The following DZIP3 variants were observed in gnomAD, a reference collection of about 807,000 sequenced individuals.
DZIP3 encodes DAZ interacting zinc finger protein 3.
A neutral mutation model predicts 162.0 loss-of-function variants in DZIP3; 118 were observed. That is an observed-to-expected ratio of 0.73 (90% CI 0.63 to 0.85). DZIP3 has a LOEUF of 0.85. DZIP3 is among the 40% of genes least tolerant of loss of function. The pLI is 0.00. For synonymous variants in DZIP3, 438 were observed against 458.6 expected, an observed-to-expected ratio of 0.96 and a Z score of 0.57; for missense variants, 1,331 against 1,407.0, an observed-to-expected ratio of 0.95 and a Z score of 0.86.
At chr3:108,690,690 C>A in intron 31 of DZIP3, 97 bp from the exon 32 acceptor site, 1 of 1,069,528 alleles carries the variant, frequency 9.3e-7, no homozygotes, top group African/African-American at 1.6e-5. Context: ...AAAGATCCAC[C>A]AGAAGACATG....
At chr3:108,653,505 G>GTATATATA (rs1216334552) in intron 18 of DZIP3, among the ~76,000 whole-genome samples, 138 of 67,738 alleles carry the variant, frequency 2.0e-3, no homozygotes, top group African/African-American at 5.9e-3. Context: ...TTGTGTGTGT[G>GTATATATA]TGTATATATA....
chr3:108,618,942 T>C (rs1484357608), intron 5 of DZIP3, among the ~76,000 whole-genome samples: 1 of 149,350 alleles, frequency 6.7e-6, no homozygotes, highest in African/African-American at 2.5e-5. Flanking sequence ...GCGCCTGTAA[T>C]CCCAACTACT....
intron 9 of DZIP3, 137 bp from the exon 10 acceptor site, chr3:108,634,734 A>G (rs1408135128): frequency 6.8e-6 from 3 of 443,826 alleles, no homozygotes; most frequent in Non-Finnish European, 1.2e-5. Context: ...GTGATCTCTG[A>G]TTTCTGTTGA....
At chr3:108,612,919 G>A (rs148326138) in intron 4 of DZIP3, among the ~76,000 whole-genome samples, 127 of 152,142 alleles carry the variant, frequency 8.3e-4, no homozygotes, top group African/African-American at 2.7e-3. Context: ...CTTAAGAAAT[G>A]TACAAGATAA....
At chr3:108,642,822 A>G (rs1168794442) in intron 13 of DZIP3, among the ~76,000 whole-genome samples, 1 of 152,164 alleles carries the variant, frequency 6.6e-6, no homozygotes, top group Non-Finnish European at 1.5e-5. Context: ...CCCTTGCTGC[A>G]TTCCTTCTTA....
intron 8 of DZIP3, among the ~76,000 whole-genome samples, chr3:108,631,055 A>ACACACACACACACACACACACACT: frequency 4.4e-4 from 8 of 18,012 alleles, no homozygotes; most frequent in Non-Finnish European, 6.3e-4. Context: ...ACACACACAC[A>ACACACACACACACACACACACACT]CTCTCTCTCT....
In DZIP3 at chr3:108,688,722, G is replaced by A. The variant is rs1944584481; in HGVS notation, c.3400G>A (p.Gly1134Arg). Residue 1134 changes from glycine (G) to arginine (R), a missense_variant, in exon 30 of 33, where the codon GGA (glycine) becomes AGA (arginine). By Grantham distance (125) the Gly-to-Arg change is moderately radical (BLOSUM62 -2). This residue lies in a region of DZIP3 where 1,278 missense variants were observed against 1,317.1 expected (regional missense o/e 0.97). Transcript: ENST00000361582. ...LTSQGPATWEGASNPDEEEEE... is the reference protein window; with the variant it reads ...LTSQGPATWERASNPDEEEEE... ...TTCACAGGGTCCTGCCACATGGGAA[G>A]GAGCCAGTAATCCAGTGAGACTGAA... 4 of 1,614,026 alleles carry A rather than the reference G, an allele frequency of 2.5e-6. No individual in the cohort carries two copies. Among genetic ancestry groups the A allele is most frequent in the Non-Finnish European group, 3.4e-6 (4 of 1,179,970 alleles).
rs1053571023 is a variant in DZIP3, at chr3:108,634,893, G to A, written c.839G>A (p.Ser280Asn). 1.2e-6 allele frequency: 2 copies of A among 1,608,008 alleles called. No individual in the cohort carries two copies. The highest frequency in any genetic ancestry group is 1.7e-4 in the Middle Eastern group (1 of 6,018). The change falls in exon 10 of 33, where the codon AGT becomes AAT. Residue 280 changes from serine (S) to asparagine (N), a missense_variant. Physicochemically the swap from Ser to Asn is conservative, Grantham distance 46. Transcript: ENST00000361582. ...CAGGGATTTTTTCAGTTAATGTGCA[G>A]TAAAAGTTGCTGTGTTTATTTCCAT... is the stretch of plus-strand genomic sequence containing the variant. ...SYKGFFQLMC[S>N]KSCCVYFHKI... is the part of the protein sequence containing the mutation.
At chr3:108,591,375 G>C (rs1444760439) in intron 1 of DZIP3, among the ~76,000 whole-genome samples, 1 of 152,254 alleles carries the variant, frequency 6.6e-6, no homozygotes, top group Non-Finnish European at 1.5e-5. Flanking sequence ...CAAATGAAGT[G>C]ATCAGAGTTT....
Position 108,628,576 on chromosome 3 carries a change from T to C in DZIP3, c.582-486T>C, listed in dbSNP as rs78936711. On this transcript the variant is annotated intron_variant, in intron 7 of 32. Transcript: ENST00000361582. ...TCTAGTTTTCAGTGTCCTGAGTTGA[T>C]GGTATTAGTCTTGTTGAGGCTGTGC... 5.4e-3 allele frequency among the ~76,000 whole-genome samples: 819 copies of C among 152,336 alleles called. 2 individuals carry two copies. The highest frequency in any genetic ancestry group is 0.029 in the South Asian group (142 of 4,826).
At chr3:108,620,935 C>T (rs559064012) in intron 5 of DZIP3, among the ~76,000 whole-genome samples, 1 of 152,306 alleles carries the variant, frequency 6.6e-6, no homozygotes, top group East Asian at 1.9e-4. Context: ...GATTCTTCTG[C>T]CTCAGCCTCC....
At chr3:108,608,243 T>G (rs879141682) in intron 3 of DZIP3, 85 bp downstream of exon 3, 6 of 1,114,020 alleles carry the variant, frequency 5.4e-6, no homozygotes, top group South Asian at 4.2e-5. Context: ...CTAGTCAGTT[T>G]AATTACGTGT....
chr3:108,665,967 A>G (rs1435778548), intron 21 of DZIP3, among the ~76,000 whole-genome samples: 1 of 152,166 alleles, frequency 6.6e-6, no homozygotes, highest in Non-Finnish European at 1.5e-5. Flanking sequence ...GGCTATAGGA[A>G]GGTCTCTAAA....
At chr3:108,601,325 C>G (rs1279394943) in intron 1 of DZIP3, among the ~76,000 whole-genome samples, 1 of 151,984 alleles carries the variant, frequency 6.6e-6, no homozygotes, top group African/African-American at 2.4e-5. Context: ...GCTAGGGATG[C>G]TGTGAAACAT....
At position 108,624,430 on chromosome 3, in the gene DZIP3, T is replaced by G. The variant is rs747340995; in HGVS notation, c.376-14T>G. On this transcript the variant is annotated splice_polypyrimidine_tract_variant and intron_variant, in intron 5 of 32. Coordinates refer to ENST00000361582, the MANE Select transcript of DZIP3 (RefSeq NM_014648.4). The stretch of plus-strand genomic sequence containing the variant: ...TAGTCTAAATAACCAATTAACATAT[T>G]TTTTTCTTTGTAGGCACACCAGATT... The G allele has an allele frequency of 1.3e-5, 19 of 1,497,102 alleles. No homozygotes were observed. The highest frequency in any genetic ancestry group is 1.7e-4 in the Middle Eastern group (1 of 5,854). 92.7% of individuals were successfully genotyped at this position (1,497,102 alleles called of 1,614,324 possible).
intron 21 of DZIP3, among the ~76,000 whole-genome samples, chr3:108,665,532 ATG>A (rs1491395933): frequency 6.6e-6 from 1 of 151,714 alleles, no homozygotes; most frequent in Admixed American, 6.5e-5. Context: ...AGAGAGCAGA[ATG>A]AGAGAGAGAC....
chr3:108,672,709 T>G, intron 23 of DZIP3, 53 bp downstream of exon 23: 4 of 1,326,576 alleles, frequency 3.0e-6, no homozygotes, highest in Non-Finnish European at 4.3e-6. Context: ...GTTTTACTTG[T>G]ATACCATCAT....
intron 16 of DZIP3, 190 bp downstream of exon 16, chr3:108,648,302 C>T: frequency 4.1e-6 from 2 of 482,270 alleles, no homozygotes; most frequent in Non-Finnish European, 6.9e-6. Context: ...CCTGCCATAA[C>T]CATTTATTTT....
intron 25 of DZIP3, among the ~76,000 whole-genome samples, chr3:108,676,835 G>T (rs1944128826): frequency 6.6e-6 from 1 of 152,034 alleles, no homozygotes; most frequent in African/African-American, 2.4e-5. Context: ...TAAATGTTTT[G>T]TTTTATAAGA....
Sources: allele counts gnomAD v4.1 joint callset (sites outside exome capture counted in the v4.1 genomes callset), GRCh38; gene constraint gnomAD v4.1.1; regional missense constraint gnomAD v4.1.1; transcripts MANE v1.5; gene names NCBI Gene and HGNC (gene_info 2026-07-23, HGNC 2026-07-21).